The following TEX9 variants were observed in gnomAD, a reference collection of about 807,000 sequenced individuals.
TEX9 encodes testis expressed 9.
TEX9 carries 74 observed loss-of-function variants against 59.6 expected under a neutral mutation model. The ratio of observed to expected loss-of-function variants is 1.24; its 90% CI spans 1.03 to 1.51. The LOEUF is 1.51. TEX9 is among the 40% of genes most tolerant of loss of function. The pLI, the probability that TEX9 is intolerant of heterozygous loss-of-function variation, is 0.00. For synonymous variants in TEX9, 186 were observed against 152.2 expected, an observed-to-expected ratio of 1.22 and a Z score of -1.64; for missense variants, 522 against 447.8, an observed-to-expected ratio of 1.17 and a Z score of -1.49.
chr15:56,263,197 AT>A (rs547135611), intron 1 of TEX9, among the ~76,000 whole-genome samples: 2 of 151,978 alleles, frequency 1.3e-5, no homozygotes, highest in African/African-American at 2.4e-5. Flanking sequence ...CTAATTTTGT[AT>A]TTTTAGTAGA....
At chr15:56,394,772 C>G in exon 9 of TEX9, 1 of 1,613,086 alleles carries the variant, frequency 6.2e-7, no homozygotes, top group East Asian at 2.2e-5. Context: ...ATACAAAACT[C>G]TTTTCGAAGA....
chr15:56,278,803 G>A (rs2718940), intron 1 of TEX9, among the ~76,000 whole-genome samples: 2 of 148,302 alleles, frequency 1.3e-5, no homozygotes, highest in South Asian at 2.1e-4. Context: ...AGAGATCCAC[G>A]TTTTTTTTTT....
intron 9 of TEX9, among the ~76,000 whole-genome samples, chr15:56,409,465 T>C (rs2049242063): frequency 6.6e-6 from 1 of 152,130 alleles, no homozygotes. Flanking sequence ...TTCATTGTTC[T>C]TATTATCTGG....
chr15:56,386,363 C>T (rs768884270), intron 4 of TEX9, among the ~76,000 whole-genome samples: 5 of 151,046 alleles, frequency 3.3e-5, no homozygotes, highest in Non-Finnish European at 7.4e-5. Context: ...GTTATGTGAC[C>T]ATATACATTA....
chr15:56,396,760 A>C (rs3985756), intron 9 of TEX9: 4 of 151,984 alleles, frequency 2.6e-5, no homozygotes, highest in African/African-American at 9.7e-5. Flanking sequence ...ATGGTTTTAA[A>C]AGGGAGAGTT....
chr15:56,420,719 A>G (rs964801325), intron 10 of TEX9, among the ~76,000 whole-genome samples: 1 of 151,886 alleles, frequency 6.6e-6, no homozygotes, highest in African/African-American at 2.4e-5. Context: ...TTCCTTAGCT[A>G]CTTCCCACCA....
At chr15:56,351,408 T>C (rs1357277095) in intron 1 of TEX9, among the ~76,000 whole-genome samples, 1 of 152,226 alleles carries the variant, frequency 6.6e-6, no homozygotes, top group African/African-American at 2.4e-5. Context: ...GATATCTTAT[T>C]GCAAGTAAAA....
chr15:56,344,950 C>A (rs2046440850), intron 1 of TEX9, among the ~76,000 whole-genome samples: 2 of 151,476 alleles, frequency 1.3e-5, no homozygotes, highest in Admixed American at 1.3e-4. Context: ...ATTACCCCAA[C>A]TCAGTCTACT....
chr15:56,267,785 T>C (rs1054416475), intron 1 of TEX9, among the ~76,000 whole-genome samples: 1 of 152,274 alleles, frequency 6.6e-6, no homozygotes, highest in Admixed American at 6.5e-5. Context: ...TTGTTCTTTT[T>C]GCTTAGGATT....
rs528152306 is a variant in TEX9 at position 56,305,362 on chromosome 15, A to G, written c.-107+61084A>G. On this transcript the variant is annotated intron_variant, in intron 1 of 5. Transcript: ENST00000560827. ...TGAACAAAACTGGAGGAATCTCATT[A>G]CCAGACTTCAAATTATATTACAGAG... Among the ~76,000 whole-genome samples, 3 of 152,324 alleles carry G rather than the reference A, an allele frequency of 2.0e-5. No homozygotes were observed. In the East Asian group the frequency reaches 5.8e-4, roughly 29 times the overall value.
chr15:56,304,100 T>G (rs1474400149), intron 1 of TEX9, among the ~76,000 whole-genome samples: 1 of 152,228 alleles, frequency 6.6e-6, no homozygotes, highest in Non-Finnish European at 1.5e-5. Flanking sequence ...ACTCAAACTA[T>G]TCTAGAAAAT....
intron 1 of TEX9, among the ~76,000 whole-genome samples, chr15:56,328,470 G>T (rs1230194454): frequency 3.3e-5 from 5 of 152,178 alleles, no homozygotes; most frequent in African/African-American, 1.2e-4. Flanking sequence ...AGAGCACCAA[G>T]CAGGCTCTTG....
intron 10 of TEX9, among the ~76,000 whole-genome samples, chr15:56,414,308 A>G (rs2049555041): frequency 6.6e-6 from 1 of 151,532 alleles, no homozygotes; most frequent in Admixed American, 6.6e-5. Flanking sequence ...AACAGGTGTC[A>G]TGGGGGTTTG....
At chr15:56,434,204 C>T (rs768757455) in intron 12 of TEX9, 6 of 1,613,934 alleles carry the variant, frequency 3.7e-6, no homozygotes, top group Non-Finnish European at 5.1e-6. Flanking sequence ...TGTGTTCCAG[C>T]TGCTTCATTC....
At chr15:56,365,538 T>TTTAACG in intron 1 of TEX9, 41 bp from the exon 2 acceptor site, 1 of 1,614,180 alleles carries the variant, frequency 6.2e-7, no homozygotes. Flanking sequence ...ACGCCTAACT[T>TTTAACG]CCTTTAACTT....
intron 12 of TEX9, chr15:56,444,557 T>C (rs1448483269): frequency 6.2e-7 from 1 of 1,613,076 alleles, no homozygotes; most frequent in South Asian, 1.1e-5. Flanking sequence ...GTTGTTTCTC[T>C]AAGTCAAGAT....
At chr15:56,361,463 T>G (rs1596115800), upstream of TEX9, among the ~76,000 whole-genome samples, 1 of 152,320 alleles carries the variant, frequency 6.6e-6, no homozygotes, top group Non-Finnish European at 1.5e-5. Context: ...CATGTATTAT[T>G]TAGAAGTATG....
rs142705302 is a variant in TEX9 at position 56,428,393 on chromosome 15, A to G, written c.1125A>G (p.Leu375=). ...TGCATATTGAAGCTGCCAAGATGCT[A>G]TCTTTCACTGAGGAGGAATTTATGA... The change falls in exon 12 of 13, where the codon CTA becomes CTG. Residue 375 remains leucine, a synonymous_variant. Transcript: ENST00000352903. 214 of 1,612,370 alleles carry G rather than the reference A, an allele frequency of 1.3e-4. No homozygotes were observed. In the African/African-American group the frequency reaches 2.2e-3, roughly 16 times the overall value.
rs756525990 is a variant in TEX9, at chr15:56,245,144, A to G, written c.-107+866A>G. ...GGGCTCTGCCACCTTTTAGACTCCT[A>G]GTGGATGGTGAATCTGATTGGCTTG... is the stretch of plus-strand genomic sequence containing the variant. On this transcript the variant is annotated intron_variant, in intron 1 of 5. Transcript: ENST00000560827. Among the ~76,000 whole-genome samples the G allele has an allele frequency of 5.0e-4, 76 of 152,126 alleles. 1 individual carries two copies. The highest frequency in any genetic ancestry group is 8.1e-4 in the Non-Finnish European group (55 of 67,990).
Sources: gnomAD v4.1 joint callset for allele counts (sites outside exome capture counted in the v4.1 genomes callset) on GRCh38, gnomAD v4.1.1 for gene constraint, MANE v1.5 for transcripts, NCBI Gene and HGNC (gene_info 2026-07-23, HGNC 2026-07-21) for gene names.